Variants in MEMO1 observed in about 807,000 individuals in gnomAD.
MEMO1 encodes the protein mediator of cell motility 1.
Under a neutral mutation model 45.2 loss-of-function variants are expected in MEMO1, and 6 were observed. The observed-to-expected ratio is 0.13, with a 90% confidence interval of 0.07 to 0.26. The LOEUF is 0.26. Ranked by LOEUF, MEMO1 falls within the 10% of genes least tolerant of loss-of-function variation. The probability of loss-of-function intolerance (pLI) is 1.00; values close to 1 mark genes in which losing one functional copy is unlikely to be tolerated. For missense variants in MEMO1, 184 were observed against 370.5 expected, an observed-to-expected ratio of 0.50 and a Z score of 4.13; for synonymous variants, 78 against 124.3, an observed-to-expected ratio of 0.63 and a Z score of 2.48.
chr2:32,010,008 G>A (rs1049816088), intron 2 of MEMO1, among the ~76,000 whole-genome samples, 179 bp downstream of exon 2: 37 of 149,582 alleles, frequency 2.5e-4, no homozygotes, highest in South Asian at 4.1e-4. Flanking sequence ...CCGCCCGGGT[G>A]GGGGAGGCGG....
chr2:31,986,129 T>C (rs1671225656), intron 2 of MEMO1, among the ~76,000 whole-genome samples: 1 of 152,156 alleles, frequency 6.6e-6, no homozygotes, highest in African/African-American at 2.4e-5. Flanking sequence ...CCGCGGTGGC[T>C]CACGTCTGTA....
At chr2:31,959,838 A>T (rs1057214629) in intron 2 of MEMO1, among the ~76,000 whole-genome samples, 14 of 152,242 alleles carry the variant, frequency 9.2e-5, no homozygotes, top group Admixed American at 4.6e-4. Context: ...CGGGAAAGTC[A>T]GTATTCAAGT....
intron 3 of MEMO1, among the ~76,000 whole-genome samples, chr2:31,936,051 C>T (rs1188453776): frequency 6.6e-6 from 1 of 152,136 alleles, no homozygotes; most frequent in Non-Finnish European, 1.5e-5. Flanking sequence ...GCAACCTCCA[C>T]CTAGCAGGTT....
At chr2:31,938,445 G>C (rs910574157) in intron 3 of MEMO1, among the ~76,000 whole-genome samples, 2 of 151,874 alleles carry the variant, frequency 1.3e-5, no homozygotes, top group Admixed American at 6.6e-5. Flanking sequence ...AGGAGATCGA[G>C]ACCATCCTGG....
At chr2:31,902,680 GA>G (rs1679041606) in intron 6 of MEMO1, among the ~76,000 whole-genome samples, 1 of 152,022 alleles carries the variant, frequency 6.6e-6, no homozygotes, top group Non-Finnish European at 1.5e-5. Flanking sequence ...CATGCTGCAG[GA>G]AATGTATCAA....
intron 4 of MEMO1, among the ~76,000 whole-genome samples, chr2:31,922,600 A>C (rs536849502): frequency 6.6e-6 from 1 of 152,010 alleles, no homozygotes; most frequent in African/African-American, 2.4e-5. Flanking sequence ...CTAGTATTCC[A>C]TAAGTAGTTT....
rs1315287238 is a variant in MEMO1, at chr2:31,981,825, T to C, written c.61+28362A>G. Among the ~76,000 whole-genome samples the C allele has an allele frequency of 2.6e-5, 4 of 152,264 alleles. No homozygotes were observed. In the East Asian group the frequency reaches 5.8e-4, roughly 22 times the overall value. On this transcript the variant is annotated intron_variant, in intron 2 of 9. Coordinates refer to ENST00000404530, the MANE Select transcript of MEMO1 (RefSeq NM_001301833.4). ...ACACCTAAAAGAAATTATCTATACA[T>C]ACACACATTTTTTTCAAAGAAATAG...
At chr2:31,988,531 GC>G (rs1343923106) in intron 2 of MEMO1, among the ~76,000 whole-genome samples, 2 of 152,072 alleles carry the variant, frequency 1.3e-5, no homozygotes, top group African/African-American at 4.8e-5. Flanking sequence ...GGGCGACAAA[GC>G]AAGACTCTGT....
intron 2 of MEMO1, among the ~76,000 whole-genome samples, chr2:31,956,235 A>G (rs905260900): frequency 6.6e-6 from 1 of 152,234 alleles, no homozygotes; most frequent in African/African-American, 2.4e-5. Context: ...ATCCTAAAAC[A>G]AAAACATAAT....
At chr2:32,010,048 A>T in intron 2 of MEMO1, 139 bp downstream of exon 2, 1 of 230,472 alleles carries the variant, frequency 4.3e-6, no homozygotes, top group Non-Finnish European at 7.0e-6. Flanking sequence ...CTCCCTCCCC[A>T]CGCGGTCCGC....
intron 2 of MEMO1, among the ~76,000 whole-genome samples, chr2:31,987,535 T>A (rs1671418995): frequency 6.6e-6 from 1 of 152,236 alleles, no homozygotes; most frequent in Non-Finnish European, 1.5e-5. Context: ...AAATTTGTCA[T>A]CATTCAATTT....
chr2:31,917,791 G>GT, intron 6 of MEMO1, 135 bp downstream of exon 6: 1 of 570,648 alleles, frequency 1.8e-6, no homozygotes, highest in East Asian at 3.1e-5. Context: ...TCCACCTTAA[G>GT]ACATTCTTGT....
chr2:31,891,500 T>C (rs142512737), intron 7 of MEMO1, among the ~76,000 whole-genome samples: 107 of 152,144 alleles, frequency 7.0e-4, no homozygotes, highest in African/African-American at 2.1e-3. Context: ...TTTTATAATC[T>C]TTGGAGGGTA....
At chr2:31,956,262 T>G (rs1173413876) in intron 2 of MEMO1, among the ~76,000 whole-genome samples, 2 of 151,720 alleles carry the variant, frequency 1.3e-5, no homozygotes, top group Non-Finnish European at 2.9e-5. Flanking sequence ...AAAAATAAAG[T>G]AAGTCTGCCT....
At chr2:31,933,333 A>AT (rs1572724330) in intron 3 of MEMO1, among the ~76,000 whole-genome samples, 6 of 62,456 alleles carry the variant, frequency 9.6e-5, no homozygotes, top group African/African-American at 4.2e-4. Context: ...AAAAAAAAAA[A>AT]AAAAAAAAAA....
At chr2:31,934,143 C>G (rs912733183) in intron 3 of MEMO1, among the ~76,000 whole-genome samples, 8 of 152,184 alleles carry the variant, frequency 5.3e-5, no homozygotes, top group African/African-American at 9.7e-5. Flanking sequence ...ATGTTCAACA[C>G]TCCCTAGAAA....
chr2:31,925,863 T>C (rs913603351), intron 4 of MEMO1, among the ~76,000 whole-genome samples: 19 of 152,180 alleles, frequency 1.2e-4, no homozygotes, highest in African/African-American at 1.9e-4. Context: ...GGTATCTTTT[T>C]AATATTCTAT....
intron 2 of MEMO1, among the ~76,000 whole-genome samples, chr2:31,959,412 G>C (rs1277646107): frequency 1.3e-5 from 2 of 151,310 alleles, no homozygotes; most frequent in Admixed American, 1.3e-4. Flanking sequence ...ATAAAGAGAA[G>C]ATACAGTACA....
intron 2 of MEMO1, among the ~76,000 whole-genome samples, chr2:31,978,020 G>A (rs1670204234): frequency 6.6e-6 from 1 of 152,102 alleles, no homozygotes; most frequent in Non-Finnish European, 1.5e-5. Flanking sequence ...GAGTCAGCTG[G>A]TTGAAAAACC....
Sources: allele counts gnomAD v4.1 joint callset (sites outside exome capture counted in the v4.1 genomes callset), GRCh38; gene constraint gnomAD v4.1.1; transcripts MANE v1.5; gene names NCBI Gene and HGNC (gene_info 2026-07-23, HGNC 2026-07-21).